BDH1: variants seen among roughly 807,000 people sequenced by gnomAD.
The protein encoded by BDH1 is 3-hydroxybutyrate dehydrogenase 1.
A neutral mutation model predicts 33.1 loss-of-function variants in BDH1; 30 were observed. The ratio of observed to expected loss-of-function variants is 0.91; its 90% CI spans 0.68 to 1.23. The LOEUF is 1.23. Among genes scored for constraint, BDH1 ranks in the 50% most tolerant of loss-of-function variants. The probability of loss-of-function intolerance (pLI) is 0.00; values close to 1 mark genes in which losing one functional copy is unlikely to be tolerated. For synonymous variants in BDH1, 190 were observed against 183.6 expected, an observed-to-expected ratio of 1.03 and a Z score of -0.28; for missense variants, 443 against 464.4, an observed-to-expected ratio of 0.95 and a Z score of 0.42.
chr3:197,532,205 G>A (rs937757579), intron 5 of BDH1, among the ~76,000 whole-genome samples: 3 of 152,158 alleles, frequency 2.0e-5, no homozygotes, highest in Non-Finnish European at 4.4e-5. Flanking sequence ...GACGAATGAT[G>A]GATAGATGAG....
At chr3:197,564,248 G>A (rs1255539467) in intron 1 of BDH1, among the ~76,000 whole-genome samples, 2 of 151,950 alleles carry the variant, frequency 1.3e-5, no homozygotes, top group African/African-American at 2.4e-5. Flanking sequence ...AAAGAGGGAT[G>A]TTCAGGACAA....
chr3:197,551,074 T>C (rs1460139938), intron 2 of BDH1, among the ~76,000 whole-genome samples: 2 of 152,184 alleles, frequency 1.3e-5, no homozygotes, highest in Non-Finnish European at 2.9e-5. Flanking sequence ...ACAATCCAAT[T>C]ATACTCTTTT....
chr3:197,512,027 A>G lies in BDH1; in HGVS notation c.900T>C (p.Asp300=). The part of the protein sequence containing the change: ...SGSTDTSPVI[D]AVTHALTATT... The stretch of plus-strand genomic sequence containing the variant: ...TGGCGGTCAGGGCGTGTGTGACAGC[A>G]TCGATGACAGGGGACGTGTCTGTGG... Residue 300 remains aspartate (D), a synonymous_variant, in exon 8 of 8, where the codon GAT becomes GAC. Coordinates refer to ENST00000392379, the MANE Select transcript of BDH1 (RefSeq NM_203314.3). 6.2e-7 allele frequency: 1 copy of G among 1,614,140 alleles called. No homozygotes were observed. Among genetic ancestry groups the G allele is most frequent in the Non-Finnish European group, 8.5e-7 (1 of 1,180,016 alleles).
upstream of BDH1, among the ~76,000 whole-genome samples, chr3:197,557,181 T>C (rs1384632825): frequency 2.6e-5 from 4 of 152,258 alleles, no homozygotes; most frequent in Non-Finnish European, 5.9e-5. The surrounding 1 kb of genome is among the most constrained non-coding windows in gnomAD (Gnocchi z 4.6). Flanking sequence ...TTGATTGATG[T>C]CTCATGTCTC....
rs1716815910 is a variant in BDH1, at chr3:197,554,320, C to G, written c.-44+242G>C. On this transcript the variant is annotated intron_variant, in intron 2 of 7. Transcript: ENST00000392379. The surrounding 1 kb of genome is among the most constrained non-coding windows in gnomAD (Gnocchi z 4.4). ...ACATTCACAAGCCCCCATCCTACCA[C>G]CAATCCCCACCCGGACTGTGAGCAC... The G allele has an allele frequency of 6.6e-6, 1 of 152,264 alleles. No individual in the cohort carries two copies. Among genetic ancestry groups the G allele is most frequent in the African/African-American group, 2.4e-5 (1 of 41,464 alleles). The allele number at this position is 152,264 out of a possible 1,614,324, so 9.4% of individuals were successfully genotyped here. A position where few individuals can be genotyped will look rare whatever the true frequency, so the allele number is the denominator to read the frequency against.
intron 1 of BDH1, among the ~76,000 whole-genome samples, chr3:197,571,552 A>G (rs1440236124): frequency 6.6e-6 from 1 of 152,104 alleles, no homozygotes; most frequent in Non-Finnish European, 1.5e-5. Flanking sequence ...GTCTCATGAG[A>G]TCTAATGGTT....
At chr3:197,564,443 G>C (rs999680420) in intron 1 of BDH1, among the ~76,000 whole-genome samples, 1 of 152,044 alleles carries the variant, frequency 6.6e-6, no homozygotes, top group Non-Finnish European at 1.5e-5. Flanking sequence ...TCTGTATGAG[G>C]TTTTAAAGTA....
At chr3:197,542,945 C>T (rs1715776753) in intron 3 of BDH1, 1 of 968,976 alleles carries the variant, frequency 1.0e-6, no homozygotes, top group Admixed American at 6.2e-5. Flanking sequence ...TGCAGTCTGG[C>T]ACCTCCCCAA....
upstream of BDH1, among the ~76,000 whole-genome samples, chr3:197,560,606 C>T (rs114213978): frequency 1.3e-5 from 2 of 152,110 alleles, no homozygotes; most frequent in African/African-American, 4.8e-5. Context: ...GGTGAGTGTA[C>T]CCTTTCTGTA....
At chr3:197,571,735 T>A (rs1369618834) in intron 1 of BDH1, among the ~76,000 whole-genome samples, 1 of 152,214 alleles carries the variant, frequency 6.6e-6, no homozygotes, top group African/African-American at 2.4e-5. Flanking sequence ...TATGCCTTTA[T>A]CAGCAATAAG....
rs1378098540 is a variant in BDH1, at chr3:197,569,242, TAC to T, written c.-44+3937_-44+3938del. ...TCCCAGTTTCTGTAGCTATTTGGAGTACAGTTTTTTTTTTCCTTTTTCTAGAG... is the reference window on the plus strand; with the variant it reads ...TCCCAGTTTCTGTAGCTATTTGGAGTAGTTTTTTTTTTCCTTTTTCTAGAG... On this transcript the variant is annotated intron_variant, in intron 1 of 6. Coordinates refer to the BDH1 transcript ENST00000358186. 3.4e-5 allele frequency among the ~76,000 whole-genome samples: 4 copies of T among 118,996 alleles called. No homozygotes were observed. In the East Asian group the frequency reaches 6.1e-4, roughly 18 times the overall value. The allele number at this position is 118,996 out of a possible 152,430, so 78.1% of individuals were successfully genotyped here.
At chr3:197,555,059 G>A (rs765825167) in intron 1 of BDH1, among the ~76,000 whole-genome samples, 1 of 152,250 alleles carries the variant, frequency 6.6e-6, no homozygotes, top group African/African-American at 2.4e-5. Flanking sequence ...TCGCGCGGGT[G>A]CGCCGCCTGG....
Position 197,522,543 on chromosome 3 carries a change from G to C in BDH1, c.409+97C>G, listed in dbSNP as rs745357758. 95 of 1,484,048 alleles carry C rather than the reference G, an allele frequency of 6.4e-5. No homozygotes were observed. Among genetic ancestry groups the C allele is most frequent in the Non-Finnish European group, 8.7e-5 (94 of 1,080,708 alleles). 91.9% of individuals were successfully genotyped at this position (1,484,048 alleles called of 1,614,324 possible). On this transcript the variant is annotated intron_variant, in intron 6 of 7. Transcript: ENST00000392379. The surrounding 1 kb of genome is among the most constrained non-coding windows in gnomAD (Gnocchi z 4.8). Reference sequence around the variant, plus strand: ...GAGCCTAAACAATAAGGAAGGGAGTGTGGTGGCAGGATGCCAGCCAGTGGA... The same window carrying C: ...GAGCCTAAACAATAAGGAAGGGAGTCTGGTGGCAGGATGCCAGCCAGTGGA...
In BDH1 at chr3:197,512,039, G is replaced by A; in HGVS notation, c.888C>T (p.Ser296=). 6.8e-6 allele frequency: 11 copies of A among 1,614,168 alleles called. No individual in the cohort carries two copies. Among genetic ancestry groups the A allele is most frequent in the Non-Finnish European group, 9.3e-6 (11 of 1,180,044 alleles). ...TYCSSGSTDT[S]PVIDAVTHAL... ...CGTGTGTGACAGCATCGATGACAGG[G>A]GACGTGTCTGTGGAGCCACTGCTGC... Residue 296 remains serine (S), a synonymous_variant, in exon 8 of 8, where the codon TCC becomes TCT. Transcript: ENST00000392379.
At chr3:197,557,004 C>G (rs1033614993), upstream of BDH1, among the ~76,000 whole-genome samples, 2 of 152,230 alleles carry the variant, frequency 1.3e-5, no homozygotes, top group Non-Finnish European at 2.9e-5. The surrounding 1 kb of genome is among the most constrained non-coding windows in gnomAD (Gnocchi z 4.6). Context: ...AAAATCACCC[C>G]CTGCTCACTG....
intron 2 of BDH1, among the ~76,000 whole-genome samples, chr3:197,553,358 G>A (rs1291197212): frequency 2.7e-5 from 4 of 150,198 alleles, no homozygotes; most frequent in African/African-American, 9.7e-5. Context: ...GTGAAACCCC[G>A]TCTCTACTAA....
At position 197,548,813 on chromosome 3, in the gene BDH1, T is replaced by G. The variant is rs532486990; in HGVS notation, c.-43-2327A>C. Among the ~76,000 whole-genome samples, 27 of 151,882 alleles carry G rather than the reference T, an allele frequency of 1.8e-4. No individual in the cohort carries two copies. In the South Asian group the frequency reaches 3.9e-3, roughly 22 times the overall value. ...TTGCAGTGAGCTGAGATCACGCCAC[T>G]GCACTCCAGCCTGGGTGACAGAGCA... On this transcript the variant is annotated intron_variant, in intron 2 of 7. Transcript: ENST00000392379.
chr3:197,524,022 C>T (rs1713835154), intron 5 of BDH1, among the ~76,000 whole-genome samples: 2 of 152,178 alleles, frequency 1.3e-5, no homozygotes, highest in South Asian at 4.1e-4. Context: ...GAGCACTGTG[C>T]TAAGTGCTGA....
intron 1 of BDH1, among the ~76,000 whole-genome samples, chr3:197,572,824 C>T (rs1162365772): frequency 1.3e-5 from 2 of 152,122 alleles, no homozygotes; most frequent in Non-Finnish European, 2.9e-5. Flanking sequence ...TTCTGAACTT[C>T]AAATTCTATT....
Sources: gnomAD v4.1 joint callset for allele counts (sites outside exome capture counted in the v4.1 genomes callset) on GRCh38, gnomAD v4.1.1 for gene constraint, Gnocchi (gnomAD v3.1) non-coding constraint, MANE v1.5 for transcripts, NCBI Gene and HGNC (gene_info 2026-07-23, HGNC 2026-07-21) for gene names.